Variants in SPATA17 observed in about 807,000 individuals in gnomAD.
SPATA17 encodes the protein spermatogenesis associated 17, also known as spermatogenesis-associated protein 17.
Under a neutral mutation model 62.2 loss-of-function variants are expected in SPATA17, and 53 were observed. The observed-to-expected ratio is 0.85, with a 90% confidence interval of 0.68 to 1.07. The LOEUF (loss-of-function observed/expected upper bound fraction) is 1.07. SPATA17 is among the 50% of genes least tolerant of loss of function. The pLI, the probability that SPATA17 is intolerant of heterozygous loss-of-function variation, is 0.00. For missense variants in SPATA17, 466 were observed against 425.5 expected, an observed-to-expected ratio of 1.10 and a Z score of -0.84; for synonymous variants, 146 against 146.8, an observed-to-expected ratio of 0.99 and a Z score of 0.04.
intron 9 of SPATA17, among the ~76,000 whole-genome samples, chr1:217,845,292 C>T (rs563995152): frequency 3.3e-5 from 5 of 152,122 alleles, no homozygotes; most frequent in African/African-American, 1.2e-4. Context: ...ATTTTAAGAG[C>T]ACTAGATGCA....
intron 9 of SPATA17, among the ~76,000 whole-genome samples, chr1:217,809,761 T>G (rs1195249864): frequency 6.6e-5 from 10 of 152,198 alleles, no homozygotes; most frequent in Non-Finnish European, 1.5e-4. Flanking sequence ...AATTTCAACA[T>G]GAGTTTTGGT....
chr1:217,715,073 G>C (rs1671971731), intron 5 of SPATA17, among the ~76,000 whole-genome samples: 1 of 152,032 alleles, frequency 6.6e-6, no homozygotes, highest in Admixed American at 6.6e-5. Context: ...TGGCATAAGG[G>C]ATTTTGTACC....
chr1:217,860,600 T>C (rs1675879369), intron 9 of SPATA17, among the ~76,000 whole-genome samples: 1 of 152,300 alleles, frequency 6.6e-6, no homozygotes, highest in East Asian at 1.9e-4. Flanking sequence ...AATGCTCCTC[T>C]TTATTCCTAA....
intron 6 of SPATA17, among the ~76,000 whole-genome samples, chr1:217,754,580 A>G (rs777852587): frequency 3.3e-5 from 5 of 152,140 alleles, no homozygotes; most frequent in Non-Finnish European, 7.4e-5. Flanking sequence ...TAACTGATAA[A>G]TAATCAGTTT....
At chr1:217,697,528 C>T (rs1189183324) in intron 5 of SPATA17, among the ~76,000 whole-genome samples, 2 of 152,072 alleles carry the variant, frequency 1.3e-5, no homozygotes, top group African/African-American at 4.8e-5. Flanking sequence ...TCTATTTCTA[C>T]TGTTTAAACT....
At chr1:217,832,109 T>C (rs1402157413) in intron 9 of SPATA17, among the ~76,000 whole-genome samples, 1 of 152,142 alleles carries the variant, frequency 6.6e-6, no homozygotes, top group East Asian at 1.9e-4. Flanking sequence ...TTTTGACATT[T>C]AATATACATA....
rs114410816 is a variant in SPATA17, at chr1:217,646,231, C to T, written c.69-2651C>T. ...ATTATAATTCTACTACATGTGTATA[C>T]ATCCTTAGTGAACATCCCTAAAGTT... On this transcript the variant is annotated intron_variant, in intron 1 of 10. Coordinates refer to ENST00000366933, the MANE Select transcript of SPATA17 (RefSeq NM_138796.4). Among the ~76,000 whole-genome samples the T allele has an allele frequency of 9.0e-3, 1,371 of 152,236 alleles. 23 individuals are homozygous for T. The highest frequency in any genetic ancestry group is 0.031 in the African/African-American group (1,293 of 41,542).
At chr1:217,830,133 C>T (rs1571832509) in intron 9 of SPATA17, among the ~76,000 whole-genome samples, 1 of 151,942 alleles carries the variant, frequency 6.6e-6, no homozygotes, top group Admixed American at 6.6e-5. Context: ...TATGTGAAAG[C>T]TTATTTGCAA....
chr1:217,804,305 C>A (rs1220063408), intron 9 of SPATA17, among the ~76,000 whole-genome samples: 2 of 152,138 alleles, frequency 1.3e-5, no homozygotes, highest in Non-Finnish European at 2.9e-5. Flanking sequence ...ACAGTGGGGA[C>A]AGGATGGTCT....
intron 9 of SPATA17, among the ~76,000 whole-genome samples, chr1:217,809,959 A>G (rs1571820242): frequency 6.6e-6 from 1 of 152,320 alleles, no homozygotes; most frequent in East Asian, 1.9e-4. Flanking sequence ...TTTGACATAA[A>G]CATTTGTTGT....
chr1:217,655,754 A>C (rs1312974120), intron 3 of SPATA17, among the ~76,000 whole-genome samples: 1 of 152,094 alleles, frequency 6.6e-6, no homozygotes, highest in Non-Finnish European at 1.5e-5. Context: ...ATTCTCACTA[A>C]ATGGTTTGGT....
intron 4 of SPATA17, among the ~76,000 whole-genome samples, chr1:217,671,585 C>T (rs1670832538): frequency 6.6e-6 from 1 of 152,100 alleles, no homozygotes. Context: ...TTTTCCCTTC[C>T]CCTTCCTTTC....
intron 6 of SPATA17, 57 bp downstream of exon 6, chr1:217,742,155 A>C: frequency 6.3e-7 from 1 of 1,590,624 alleles, no homozygotes; most frequent in Non-Finnish European, 8.6e-7. Flanking sequence ...TAGCCTGACA[A>C]AGATAAACTA....
intron 5 of SPATA17, among the ~76,000 whole-genome samples, chr1:217,701,244 G>C (rs967618493): frequency 1.3e-5 from 2 of 151,884 alleles, no homozygotes; most frequent in African/African-American, 4.8e-5. Flanking sequence ...AAAGTGCTGG[G>C]ATTACAGGCA....
Position 217,631,347 on chromosome 1 carries a change from A to C in SPATA17, c.-32A>C, listed in dbSNP as rs1430690727. 1 of 1,613,472 alleles carries C rather than the reference A, an allele frequency of 6.2e-7. No homozygotes were observed. Among genetic ancestry groups the C allele is most frequent in the Non-Finnish European group, 8.5e-7 (1 of 1,179,508 alleles). On this transcript the variant is annotated 5_prime_UTR_variant, in exon 1 of 11. Transcript: ENST00000366933. ...CCCAGTTACCATGGAGACCGGTAGT[A>C]ACACCAGTTGTAAACCCAAGGCCAA...
intron 9 of SPATA17, among the ~76,000 whole-genome samples, chr1:217,816,768 G>A (rs1411931456): frequency 6.6e-6 from 1 of 151,958 alleles, no homozygotes; most frequent in Non-Finnish European, 1.5e-5. Context: ...AGATCAATAT[G>A]TTTTTCCTTT....
At chr1:217,712,642 T>G (rs1218890190) in intron 5 of SPATA17, among the ~76,000 whole-genome samples, 1 of 152,114 alleles carries the variant, frequency 6.6e-6, no homozygotes, top group Non-Finnish European at 1.5e-5. Flanking sequence ...ATTTTTATTT[T>G]AGCAATTTTT....
At chr1:217,678,518 A>C (rs1268148530) in intron 4 of SPATA17, among the ~76,000 whole-genome samples, 1 of 151,828 alleles carries the variant, frequency 6.6e-6, no homozygotes, top group East Asian at 1.9e-4. Context: ...CCATGCCTTC[A>C]TTTTTCATGT....
Position 217,839,472 on chromosome 1 carries a change from C to G in SPATA17, c.1006-23302C>G, listed in dbSNP as rs1002836573. On this transcript the variant is annotated intron_variant, in intron 9 of 10. Coordinates refer to ENST00000366933, the MANE Select transcript of SPATA17 (RefSeq NM_138796.4). ...GATCCAGAATTGCTTCTGCCCGGTG[C>G]TTGGCATTTTTAATGCTGTTTCTGT... Among the ~76,000 whole-genome samples, 4 of 152,012 alleles carry G rather than the reference C, an allele frequency of 2.6e-5. No individual in the cohort carries two copies. The South Asian group carries it at 8.3e-4, about 31-fold the overall frequency.
Sources: gnomAD v4.1 joint callset for allele counts (sites outside exome capture counted in the v4.1 genomes callset) on GRCh38, gnomAD v4.1.1 for gene constraint, MANE v1.5 for transcripts, NCBI Gene and HGNC (gene_info 2026-07-23, HGNC 2026-07-21) for gene names.